The following C4orf51 variants were observed in gnomAD, a reference collection of about 807,000 sequenced individuals.
C4orf51 encodes the protein chromosome 4 open reading frame 51.
C4orf51 carries 25 observed loss-of-function variants against 25.2 expected under a neutral mutation model. The ratio of observed to expected loss-of-function variants is 0.99; its 90% CI spans 0.72 to 1.39. C4orf51 has a LOEUF of 1.39. Ranked by LOEUF, C4orf51 falls within the 40% of genes most tolerant of loss-of-function variation. The pLI is 0.00. For missense variants in C4orf51, 252 were observed against 239.6 expected (o/e 1.05, Z -0.34); for synonymous variants, 100 against 84.5 (o/e 1.18, Z -1.01).
chr4:145,785,210 G>T, the C4orf51 span, among the ~76,000 whole-genome samples: 3 of 152,134 alleles, frequency 2.0e-5, no homozygotes, highest in Non-Finnish European at 1.5e-5. Flanking sequence ...CCTGTTAATG[G>T]TGAACTGAGG....
chr4:145,687,372 T>C (rs944987351), intron 1 of C4orf51, among the ~76,000 whole-genome samples: 1 of 152,228 alleles, frequency 6.6e-6, no homozygotes, highest in African/African-American at 2.4e-5. Context: ...AACTAAGCTG[T>C]GCCCTGACCA....
intron 2 of C4orf51, among the ~76,000 whole-genome samples, chr4:145,705,794 G>C (rs1730772449): frequency 6.6e-6 from 1 of 152,026 alleles, no homozygotes. Context: ...GAAGGTGAGA[G>C]GAAACAGATA....
At chr4:145,778,549 T>A in the C4orf51 span, among the ~76,000 whole-genome samples, 2 of 152,078 alleles carry the variant, frequency 1.3e-5, no homozygotes, top group Admixed American at 6.5e-5. Flanking sequence ...GAGGCAGAGG[T>A]TGCAGTTAGC....
the C4orf51 span, among the ~76,000 whole-genome samples, chr4:145,787,418 C>T: frequency 5.4e-5 from 8 of 147,150 alleles, no homozygotes; most frequent in African/African-American, 7.7e-5. Context: ...GCTGAGACCA[C>T]GCCATTGCAC....
chr4:145,776,127 A>C, the C4orf51 span, among the ~76,000 whole-genome samples: 2 of 152,214 alleles, frequency 1.3e-5, no homozygotes, highest in African/African-American at 4.8e-5. Flanking sequence ...GTCTTTACCC[A>C]GCAGGTCACT....
chr4:145,729,769 G>A, intron 4 of C4orf51, 123 bp from the exon 5 acceptor site: 2 of 724,990 alleles, frequency 2.8e-6, no homozygotes, highest in Non-Finnish European at 4.9e-6. Flanking sequence ...AGAGGAGGGG[G>A]CTGTGTATGT....
downstream of C4orf51, among the ~76,000 whole-genome samples, chr4:145,733,151 G>A (rs1560856080): frequency 8.3e-6 from 1 of 120,634 alleles, no homozygotes; most frequent in Non-Finnish European, 1.8e-5. Context: ...CCCACGGCCC[G>A]CCCACCCGCC....
At chr4:145,732,005 G>A (rs953337199) in intron 5 of C4orf51, among the ~76,000 whole-genome samples, 2 of 152,142 alleles carry the variant, frequency 1.3e-5, no homozygotes, top group African/African-American at 4.8e-5. Flanking sequence ...AATTTTCAAC[G>A]ATCATTAACA....
At chr4:145,768,858 C>CAAAAAAAAAAA (rs1174930111) in intron 1 of C4orf51, among the ~76,000 whole-genome samples, 1 of 4,534 alleles carries the variant, frequency 2.2e-4, no homozygotes, top group Non-Finnish European at 4.6e-4. Flanking sequence ...GACTCCGTCT[C>CAAAAAAAAAAA]AAAAAAAAAA....
downstream of C4orf51, among the ~76,000 whole-genome samples, chr4:145,736,164 C>A (rs1204489734): frequency 6.6e-6 from 1 of 151,766 alleles, no homozygotes; most frequent in East Asian, 1.9e-4. Flanking sequence ...AAGGATTTGA[C>A]AAACTGGGAG....
chr4:145,743,019 T>C (rs1192292766), intron 1 of C4orf51, among the ~76,000 whole-genome samples: 1 of 152,060 alleles, frequency 6.6e-6, no homozygotes, highest in Non-Finnish European at 1.5e-5. Context: ...GAAAAAGAAG[T>C]AGGAGAGCTA....
chr4:145,689,828 A>G (rs1198312973), intron 1 of C4orf51, among the ~76,000 whole-genome samples: 1 of 152,158 alleles, frequency 6.6e-6, no homozygotes, highest in Non-Finnish European at 1.5e-5. Flanking sequence ...AGAAGAAGAA[A>G]GCTGGACCCC....
intron 1 of C4orf51, among the ~76,000 whole-genome samples, chr4:145,738,450 GA>G (rs960309875): frequency 1.3e-4 from 12 of 89,258 alleles, no homozygotes; most frequent in East Asian, 5.0e-4. Flanking sequence ...ACTCTATCTC[GA>G]AAAAAAACAT....
downstream of C4orf51, among the ~76,000 whole-genome samples, chr4:145,734,133 T>G (rs1335567978): frequency 6.6e-6 from 1 of 152,154 alleles, no homozygotes; most frequent in Non-Finnish European, 1.5e-5. Flanking sequence ...ATTGGTATGG[T>G]GGGGTCTACA....
At chr4:145,752,248 G>A (rs1356639497) in intron 1 of C4orf51, among the ~76,000 whole-genome samples, 1 of 152,198 alleles carries the variant, frequency 6.6e-6, no homozygotes, top group Non-Finnish European at 1.5e-5. Context: ...CCACAGCTCA[G>A]AATGTTCTGG....
intron 1 of C4orf51, among the ~76,000 whole-genome samples, chr4:145,691,890 TA>T (rs1729591958): frequency 6.6e-6 from 1 of 152,228 alleles, no homozygotes; most frequent in African/African-American, 2.4e-5. Context: ...TCATGTAACA[TA>T]CCTGCACATG....
downstream of C4orf51, among the ~76,000 whole-genome samples, chr4:145,756,243 T>C (rs1482380189): frequency 6.6e-6 from 1 of 152,242 alleles, no homozygotes; most frequent in African/African-American, 2.4e-5. Context: ...GCATGGTTCA[T>C]TGGTGGCCCC....
chr4:145,741,591 TGTGAAGTAGGGAGTGGGAAAAG>T (rs1733102341), intron 1 of C4orf51, among the ~76,000 whole-genome samples: 1 of 152,196 alleles, frequency 6.6e-6, no homozygotes, highest in African/African-American at 2.4e-5. Flanking sequence ...TTCAAAGGAA[TGTGAAGTAGGGAGTGGGAAAAG>T]GTTAGATTTC....
intron 1 of C4orf51, chr4:145,759,674 T>A (rs1213599403): frequency 6.6e-6 from 1 of 151,490 alleles, no homozygotes; most frequent in Non-Finnish European, 1.5e-5. Flanking sequence ...TACATTTTCT[T>A]CCTTTTATTT....
Sources: allele counts gnomAD v4.1 joint callset (sites outside exome capture counted in the v4.1 genomes callset), GRCh38; gene constraint gnomAD v4.1.1; transcripts MANE v1.5; gene names NCBI Gene and HGNC (gene_info 2026-07-23, HGNC 2026-07-21).